The following WWTR1 variants were observed in gnomAD, a reference collection of about 807,000 sequenced individuals.
The protein encoded by WWTR1 is WW domain-containing transcription regulator protein 1.
In WWTR1, 13 loss-of-function variants were observed where a neutral mutation model predicts 40.1. The observed-to-expected ratio is 0.32, with a 90% CI of 0.21 to 0.52. The LOEUF (loss-of-function observed/expected upper bound fraction) is 0.52. WWTR1 is among the 20% of genes least tolerant of loss of function. WWTR1 has a pLI of 0.97. For missense variants in WWTR1, 436 were observed against 523.1 expected (o/e 0.83, Z 1.63); for synonymous variants, 230 against 210.1 (o/e 1.09, Z -0.82).
chr3:149,603,602 C>A (rs1739353361), intron 2 of WWTR1, among the ~76,000 whole-genome samples: 1 of 148,536 alleles, frequency 6.7e-6, no homozygotes, highest in Non-Finnish European at 1.5e-5. Flanking sequence ...CATTACATTT[C>A]TTTCTTTGGT....
At chr3:149,550,797 C>A (rs769811517) in intron 3 of WWTR1, among the ~76,000 whole-genome samples, 1 of 125,944 alleles carries the variant, frequency 7.9e-6, no homozygotes, top group Non-Finnish European at 1.7e-5. Context: ...TCCATAAGCA[C>A]GTGATGATTT....
chr3:149,666,719 T>C (rs565621745), intron 2 of WWTR1, among the ~76,000 whole-genome samples: 1 of 152,332 alleles, frequency 6.6e-6, no homozygotes, highest in South Asian at 2.1e-4. Flanking sequence ...TAGAAAAGTT[T>C]ATGTCTTGCC....
intron 1 of WWTR1, among the ~76,000 whole-genome samples, chr3:149,690,957 A>C (rs1332712075): frequency 1.3e-5 from 2 of 152,226 alleles, no homozygotes; most frequent in East Asian, 3.8e-4. Context: ...TGAAAACTAT[A>C]TAAACACATG....
intron 5 of WWTR1, among the ~76,000 whole-genome samples, chr3:149,716,974 G>A (rs1272048518): frequency 2.6e-5 from 4 of 152,060 alleles, no homozygotes; most frequent in Non-Finnish European, 4.4e-5. Context: ...CCCAGAGTTC[G>A]AGACCAGACT....
At chr3:149,676,733 C>T (rs1200635212) in intron 1 of WWTR1, among the ~76,000 whole-genome samples, 1 of 152,080 alleles carries the variant, frequency 6.6e-6, no homozygotes, top group Non-Finnish European at 1.5e-5. Flanking sequence ...GCTTGCCACA[C>T]ACCACTGACT....
At chr3:149,668,128 G>A (rs1030922800) in intron 2 of WWTR1, among the ~76,000 whole-genome samples, 5 of 152,160 alleles carry the variant, frequency 3.3e-5, no homozygotes, top group African/African-American at 9.7e-5. Context: ...ATGGCTTTTA[G>A]GGAAAGAAGC....
At position 149,581,990 on chromosome 3, in the gene WWTR1, G is replaced by T. The variant is rs539190306; in HGVS notation, c.432-8990C>A. ...CTGTAATACCCGTGGTTCCTGCAGGGATTCATTTACCAGAGTTTTGTCCCT... is the reference window on the plus strand; with the variant it reads ...CTGTAATACCCGTGGTTCCTGCAGGTATTCATTTACCAGAGTTTTGTCCCT... On this transcript the variant is annotated intron_variant, in intron 2 of 6. Coordinates refer to ENST00000360632, the MANE Select transcript of WWTR1 (RefSeq NM_015472.6). Among the ~76,000 whole-genome samples the T allele has an allele frequency of 2.0e-5, 3 of 152,124 alleles. No individual in the cohort carries two copies. The South Asian group carries it at 6.2e-4, about 32-fold the overall frequency.
intron 1 of WWTR1, among the ~76,000 whole-genome samples, chr3:149,681,304 C>G (rs1714452563): frequency 6.6e-6 from 1 of 152,198 alleles, no homozygotes; most frequent in South Asian, 2.1e-4. Context: ...CAACAGTGAA[C>G]AAGTGTTCCA....
At chr3:149,608,649 A>T (rs1739595795) in intron 2 of WWTR1, among the ~76,000 whole-genome samples, 1 of 152,068 alleles carries the variant, frequency 6.6e-6, no homozygotes, top group African/African-American at 2.4e-5. Context: ...TTGGCCTCCC[A>T]AAGTGCTAGG....
At chr3:149,685,823 A>G (rs1714628810) in intron 1 of WWTR1, among the ~76,000 whole-genome samples, 1 of 152,182 alleles carries the variant, frequency 6.6e-6, no homozygotes, top group African/African-American at 2.4e-5. Flanking sequence ...ATTTACTTCA[A>G]ACTAAATGGC....
intron 5 of WWTR1, among the ~76,000 whole-genome samples, chr3:149,717,131 C>T (rs1715622496): frequency 6.6e-6 from 1 of 152,130 alleles, no homozygotes; most frequent in Admixed American, 6.6e-5. Context: ...TGTGCGACTC[C>T]CCAGTGGGTG....
At chr3:149,527,557 C>T (rs1245103598) in intron 5 of WWTR1, among the ~76,000 whole-genome samples, 1 of 152,180 alleles carries the variant, frequency 6.6e-6, no homozygotes. Flanking sequence ...CTAGACGACA[C>T]CATCATGTTT....
intron 4 of WWTR1, among the ~76,000 whole-genome samples, chr3:149,534,980 G>A (rs1021797350): frequency 2.0e-5 from 3 of 152,156 alleles, no homozygotes; most frequent in South Asian, 2.1e-4. Flanking sequence ...GCTTGCCTGT[G>A]GAATAAACCA....
chr3:149,689,380 C>CAAAAAAAAAAAA (rs3044083), intron 1 of WWTR1, among the ~76,000 whole-genome samples: 5 of 36,692 alleles, frequency 1.4e-4, no homozygotes, highest in Admixed American at 4.9e-4. Context: ...GAACCTATCT[C>CAAAAAAAAAAAA]AAAAAAAAAA....
chr3:149,578,391 T>C (rs917206018), intron 2 of WWTR1, among the ~76,000 whole-genome samples: 6 of 152,142 alleles, frequency 3.9e-5, no homozygotes, highest in African/African-American at 1.4e-4. Context: ...CACTTACAGA[T>C]TTCATGGCCA....
intron 2 of WWTR1, among the ~76,000 whole-genome samples, chr3:149,590,100 A>G (rs1476138504): frequency 1.3e-5 from 2 of 152,188 alleles, no homozygotes; most frequent in Admixed American, 6.5e-5. Context: ...AAAGTCCACC[A>G]TATCTAGCAT....
intron 2 of WWTR1, among the ~76,000 whole-genome samples, chr3:149,655,435 A>G (rs181624390): frequency 4.7e-5 from 7 of 150,436 alleles, no homozygotes; most frequent in Non-Finnish European, 1.5e-5. Flanking sequence ...ACAGAGTGAG[A>G]CTTTGTCTCA....
At chr3:149,654,376 A>T (rs1713075532) in intron 2 of WWTR1, among the ~76,000 whole-genome samples, 1 of 152,250 alleles carries the variant, frequency 6.6e-6, no homozygotes, top group Non-Finnish European at 1.5e-5. Flanking sequence ...CCTTAAAGAC[A>T]ATAGTCACTG....
chr3:149,525,916 A>T, intron 6 of WWTR1, 97 bp downstream of exon 6: 1 of 689,902 alleles, frequency 1.4e-6, no homozygotes, highest in Non-Finnish European at 2.2e-6. Context: ...AGTTGAAATT[A>T]TAAAAATAAA....
Sources: gnomAD v4.1 joint callset for allele counts (sites outside exome capture counted in the v4.1 genomes callset) on GRCh38, gnomAD v4.1.1 for gene constraint, MANE v1.5 for transcripts, NCBI Gene and HGNC (gene_info 2026-07-23, HGNC 2026-07-21) for gene names.